Variants in TMEM132D observed in about 807,000 individuals in gnomAD.
The protein encoded by TMEM132D is transmembrane protein 132D.
Under a neutral mutation model 62.3 loss-of-function variants are expected in TMEM132D, and 21 were observed. The ratio of observed to expected loss-of-function variants is 0.34; its 90% CI spans 0.24 to 0.49. The LOEUF (loss-of-function observed/expected upper bound fraction) is 0.49, where lower values mean the gene tolerates loss of function less well. Among genes scored for constraint, TMEM132D ranks in the 20% least tolerant of loss-of-function variants. The probability of loss-of-function intolerance (pLI) is 0.99; values close to 1 mark genes in which losing one functional copy is unlikely to be tolerated. For missense variants in TMEM132D, 1,346 were observed against 1,402.8 expected, an observed-to-expected ratio of 0.96 and a Z score of 0.65; for synonymous variants, 621 against 575.6, an observed-to-expected ratio of 1.08 and a Z score of -1.13.
rs560767700 is a variant in TMEM132D, at chr12:129,085,076, G to A, written c.1444-374C>T. 3.3e-5 allele frequency: 11 copies of A among 331,040 alleles called. No homozygotes were observed. The South Asian group carries it at 5.7e-4, about 17-fold the overall frequency. The allele number at this position is 331,040 out of a possible 1,614,324, so 20.5% of individuals were successfully genotyped here. On this transcript the variant is annotated intron_variant, in intron 5 of 8. Coordinates refer to ENST00000422113, the MANE Select transcript of TMEM132D (RefSeq NM_133448.3). The stretch of plus-strand genomic sequence containing the variant: ...CCGGGAGTTATGTCCTGCTCACCCC[G>A]CTTCTCTGCCCAGTGACTACCTGGT...
intron 1 of TMEM132D, among the ~76,000 whole-genome samples, chr12:129,821,566 A>T (rs1872542717): frequency 6.6e-6 from 1 of 152,224 alleles, no homozygotes; most frequent in Non-Finnish European, 1.5e-5. Context: ...GCTGGACTAC[A>T]GGCAGGCCTC....
intron 1 of TMEM132D, among the ~76,000 whole-genome samples, chr12:129,731,701 C>T (rs1229038354): frequency 6.6e-6 from 1 of 151,294 alleles, no homozygotes; most frequent in African/African-American, 2.4e-5. Context: ...CTCGCTCTGT[C>T]GCCCGGGCTA....
intron 2 of TMEM132D, among the ~76,000 whole-genome samples, chr12:129,631,096 C>T (rs1006528072): frequency 6.6e-6 from 1 of 152,068 alleles, no homozygotes; most frequent in Non-Finnish European, 1.5e-5. Flanking sequence ...CATTATTATT[C>T]CCATTACATA....
At chr12:129,241,091 AAT>A (rs1879924505) in intron 4 of TMEM132D, among the ~76,000 whole-genome samples, 1 of 151,198 alleles carries the variant, frequency 6.6e-6, no homozygotes, top group African/African-American at 2.4e-5. Context: ...CTTATTCAAT[AAT>A]ATGTTATTTA....
At chr12:129,155,521 A>G (rs1018803734) in intron 5 of TMEM132D, among the ~76,000 whole-genome samples, 5 of 152,206 alleles carry the variant, frequency 3.3e-5, no homozygotes, top group African/African-American at 1.2e-4. Context: ...TTGTGTTGCT[A>G]TAACTGAAGG....
chr12:129,845,654 T>C (rs1873336591), intron 1 of TMEM132D, among the ~76,000 whole-genome samples: 1 of 152,182 alleles, frequency 6.6e-6, no homozygotes, highest in African/African-American at 2.4e-5. Context: ...CAAAGCAAAA[T>C]CACTATTATA....
At chr12:129,586,830 G>A (rs955956204) in intron 2 of TMEM132D, among the ~76,000 whole-genome samples, 2 of 152,150 alleles carry the variant, frequency 1.3e-5, no homozygotes, top group African/African-American at 4.8e-5. Context: ...CATGATGAAG[G>A]TGGCATTCCA....
chr12:129,724,786 G>T (rs537628228), intron 1 of TMEM132D, among the ~76,000 whole-genome samples: 20 of 152,140 alleles, frequency 1.3e-4, no homozygotes, highest in Non-Finnish European at 2.4e-4. Flanking sequence ...GCCTCCTAAA[G>T]TGCTGGGATT....
chr12:129,460,143 C>T (rs974095751), intron 3 of TMEM132D, among the ~76,000 whole-genome samples: 16 of 152,184 alleles, frequency 1.1e-4, no homozygotes, highest in African/African-American at 3.6e-4. Flanking sequence ...CCCATGAAAT[C>T]ATACGGGTTC....
chr12:129,076,061 A>G (rs1007714313), intron 8 of TMEM132D, among the ~76,000 whole-genome samples: 4 of 151,636 alleles, frequency 2.6e-5, no homozygotes, highest in Non-Finnish European at 4.4e-5. Flanking sequence ...AGAGCCATCA[A>G]TCTCAGCAAT....
chr12:129,211,044 A>G (rs1331929287), intron 4 of TMEM132D: 3 of 152,112 alleles, frequency 2.0e-5, no homozygotes, highest in Admixed American at 6.6e-5. Context: ...GAGCCTCAAG[A>G]CCCGGTAAGT....
chr12:129,544,796 C>T (rs1876685837), intron 2 of TMEM132D, among the ~76,000 whole-genome samples: 1 of 152,316 alleles, frequency 6.6e-6, no homozygotes, highest in Non-Finnish European at 1.5e-5. Context: ...GACAACATTC[C>T]TCCTAGAGAT....
intron 5 of TMEM132D, among the ~76,000 whole-genome samples, chr12:129,184,012 A>G (rs1221678527): frequency 6.6e-6 from 1 of 152,180 alleles, no homozygotes; most frequent in Non-Finnish European, 1.5e-5. Context: ...AGAAGGGGCA[A>G]ATCTTTCTGT....
intron 4 of TMEM132D, among the ~76,000 whole-genome samples, chr12:129,268,162 A>G (rs1424806753): frequency 6.6e-6 from 1 of 152,252 alleles, no homozygotes; most frequent in African/African-American, 2.4e-5. Flanking sequence ...AGCAATGGCA[A>G]CCAAAGCCAA....
At chr12:129,185,773 G>GTCTGTCTGTCTATCTATCTATCTATCTA (rs796145548) in intron 5 of TMEM132D, among the ~76,000 whole-genome samples, 1 of 135,924 alleles carries the variant, frequency 7.4e-6, no homozygotes, top group African/African-American at 2.7e-5. Context: ...CTGTCTGTCT[G>GTCTGTCTGTCTATCTATCTATCTATCTA]TCTATCTATC....
intron 3 of TMEM132D, among the ~76,000 whole-genome samples, chr12:129,353,925 A>T (rs1869953527): frequency 6.6e-6 from 1 of 151,978 alleles, no homozygotes; most frequent in Non-Finnish European, 1.5e-5. Context: ...GCCAATGAAC[A>T]GCTCCTTCCC....
intron 2 of TMEM132D, among the ~76,000 whole-genome samples, chr12:129,594,193 T>G (rs900703): frequency 0.86 from 130,423 of 151,856 alleles, 56,059 homozygotes; most frequent in Middle Eastern, 0.89. Context: ...TATGCAGAAG[T>G]GGGGTTAAAA....
At chr12:129,124,005 G>T (rs1369125907) in intron 5 of TMEM132D, among the ~76,000 whole-genome samples, 5 of 152,142 alleles carry the variant, frequency 3.3e-5, no homozygotes, top group African/African-American at 1.2e-4. Flanking sequence ...CTCCATAACT[G>T]TGTGAGCCAA....
chr12:129,616,697 C>T (rs963236935), intron 2 of TMEM132D, among the ~76,000 whole-genome samples: 6 of 152,218 alleles, frequency 3.9e-5, no homozygotes, highest in African/African-American at 1.2e-4. Context: ...GTGTCTGCTT[C>T]CCCTTCCATT....
Sources: allele counts gnomAD v4.1 joint callset (sites outside exome capture counted in the v4.1 genomes callset), GRCh38; gene constraint gnomAD v4.1.1; transcripts MANE v1.5; gene names NCBI Gene and HGNC (gene_info 2026-07-23, HGNC 2026-07-21).